UHMK1: variants seen among roughly 807,000 people sequenced by gnomAD.
The protein encoded by UHMK1 is U2AF homology motif kinase 1.
Under a neutral mutation model 44.0 loss-of-function variants are expected in UHMK1, and 18 were observed. The observed-to-expected ratio is 0.41, with a 90% CI of 0.28 to 0.61. The LOEUF (loss-of-function observed/expected upper bound fraction) is 0.61, where lower values mean the gene tolerates loss of function less well. Among genes scored for constraint, UHMK1 ranks in the 20% least tolerant of loss-of-function variants. UHMK1 has a pLI of 0.31. For missense variants in UHMK1, 463 were observed against 522.5 expected, an observed-to-expected ratio of 0.89 and a Z score of 1.11; for synonymous variants, 231 against 198.5, an observed-to-expected ratio of 1.16 and a Z score of -1.38.
chr1:162,516,227 A>G (rs1013813824), intron 6 of UHMK1, among the ~76,000 whole-genome samples: 9 of 152,190 alleles, frequency 5.9e-5, no homozygotes, highest in African/African-American at 2.2e-4. Context: ...TGCAGCAGAC[A>G]ATACGGTACC....
At chr1:162,508,019 CT>C (rs1400612902) in intron 4 of UHMK1, among the ~76,000 whole-genome samples, 3 of 151,924 alleles carry the variant, frequency 2.0e-5, no homozygotes, top group Non-Finnish European at 4.4e-5. Context: ...TAATTCTTTC[CT>C]GAGTTCTATT....
rs1651713726 is a variant in UHMK1, at chr1:162,512,820, G to A, written c.1021G>A (p.Glu341Lys). The change falls in exon 6 of 8, where the codon GAA becomes AAA. Residue 341 changes from glutamate to lysine, a missense_variant. By Grantham distance (56) the Glu-to-Lys change is moderately conservative. This residue lies in a region of UHMK1 where 264 missense variants were observed against 326.3 expected (regional missense o/e 0.81). Transcript: ENST00000489294. The part of the protein sequence containing the change: ...DDYLENEEEY[E>K]DVVEDVKEEC... The stretch of plus-strand genomic sequence containing the variant: ...TTATCTTGAGAATGAAGAGGAATAT[G>A]AAGGTTAGTGTTTTCTAAATTATAT... 6.2e-7 allele frequency: 1 copy of A among 1,613,708 alleles called. No individual in the cohort carries two copies. Among genetic ancestry groups the A allele is most frequent in the African/African-American group, 1.3e-5 (1 of 75,050 alleles).
intron 4 of UHMK1, among the ~76,000 whole-genome samples, chr1:162,507,393 C>A (rs1166425468): frequency 2.0e-5 from 3 of 151,916 alleles, no homozygotes; most frequent in African/African-American, 7.2e-5. Flanking sequence ...GCTGGGATTA[C>A]AGGCGTGAGC....
In UHMK1 at chr1:162,500,940, T is replaced by G. The variant is rs56201055; in HGVS notation, c.589T>G (p.Tyr197Asp). 4.3e-6 allele frequency: 7 copies of G among 1,614,054 alleles called. No individual in the cohort carries two copies. Among genetic ancestry groups the G allele is most frequent in the Non-Finnish European group, 5.9e-6 (7 of 1,179,998 alleles). ...TGTAAAGTATATTCAGACAGACGGG[T>G]ATCGGGCTCCAGAAGCAGAATTGCA... ...QDVKYIQTDG[Y>D]RAPEAELQNC... Residue 197 changes from tyrosine (Y) to aspartate (D), a missense_variant, in exon 3 of 8, where the codon TAT (tyrosine) becomes GAT (aspartate). By Grantham distance (160) the Tyr-to-Asp change is radical. Transcript: ENST00000489294.
intron 4 of UHMK1, among the ~76,000 whole-genome samples, chr1:162,511,136 A>G (rs1370238816): frequency 1.4e-5 from 2 of 138,918 alleles, no homozygotes; most frequent in Admixed American, 7.0e-5. Flanking sequence ...TAATTGGGCT[A>G]TTTGTTTCCT....
At chr1:162,512,622 A>G in intron 5 of UHMK1, 46 bp downstream of exon 5, 2 of 1,603,566 alleles carry the variant, frequency 1.2e-6, no homozygotes, top group Non-Finnish European at 1.7e-6. Flanking sequence ...TTTGACAGTC[A>G]TACAAGACAT....
chr1:162,501,236 C>T, intron 3 of UHMK1, 132 bp downstream of exon 3: 1 of 840,970 alleles, frequency 1.2e-6, no homozygotes, highest in Non-Finnish European at 1.8e-6. Context: ...GTGGCGCAAT[C>T]TCAGCTCACT....
chr1:162,515,670 C>T (rs1381411561), intron 6 of UHMK1, among the ~76,000 whole-genome samples: 1 of 152,194 alleles, frequency 6.6e-6, no homozygotes, highest in African/African-American at 2.4e-5. Context: ...TCCTTTTAGT[C>T]TTCGTCTTTG....
At position 162,524,817 on chromosome 1, in the gene UHMK1, T is replaced by TG. The variant is rs2101689186; in HGVS notation, c.*2269dup. Reference sequence around the variant, plus strand: ...CACTGTAGAATTTTGTTACAGAAGATGGTTACTAGATTTTAAGGGAGCTGA... The same window carrying TG: ...CACTGTAGAATTTTGTTACAGAAGATGGGTTACTAGATTTTAAGGGAGCTGA... On this transcript the variant is annotated 3_prime_UTR_variant, in exon 8 of 8. Transcript: ENST00000489294. 1 of 152,334 alleles carries TG rather than the reference T, an allele frequency of 6.6e-6. No individual in the cohort carries two copies. Among genetic ancestry groups the TG allele is most frequent in the South Asian group, 2.1e-4 (1 of 4,826 alleles). 9.4% of individuals were successfully genotyped at this position (152,334 alleles called of 1,614,324 possible). A position where few individuals can be genotyped will look rare whatever the true frequency, so the allele number is the denominator to read the frequency against.
At chr1:162,517,251 A>G (rs904884222) in intron 6 of UHMK1, among the ~76,000 whole-genome samples, 13 of 152,302 alleles carry the variant, frequency 8.5e-5, no homozygotes, top group Admixed American at 4.6e-4. Context: ...GTGAGCCGAG[A>G]TCGTGCCACT....
Position 162,498,241 on chromosome 1 carries a change from G to A in UHMK1, c.241G>A (p.Glu81Lys), listed in dbSNP as rs1651132817. 1 of 1,606,464 alleles carries A rather than the reference G, an allele frequency of 6.2e-7. No individual in the cohort carries two copies. The highest frequency in any genetic ancestry group is 8.5e-7 in the Non-Finnish European group (1 of 1,176,012). The part of the protein sequence containing the change: ...YGFRKERAAL[E>K]QLQGHRNIVT... The stretch of plus-strand genomic sequence containing the variant: ...TTTCCGCAAAGAGAGGGCGGCGCTG[G>A]AACAGTTGCAGGGTCACAGAAACAT... Residue 81 changes from glutamate (E) to lysine (K), a missense_variant, in exon 1 of 8, where the codon GAA (glutamate) becomes AAA (lysine). Glu to Lys is a moderately conservative substitution (Grantham distance 56). This residue lies in a region of UHMK1 where 191 missense variants were observed against 176.0 expected (regional missense o/e 1.09). Transcript: ENST00000489294.
At chr1:162,516,159 A>G (rs1018013894) in intron 6 of UHMK1, among the ~76,000 whole-genome samples, 2 of 152,222 alleles carry the variant, frequency 1.3e-5, no homozygotes, top group African/African-American at 4.8e-5. Flanking sequence ...GAGTCTTTAA[A>G]TTTTGTTTAA....
Position 162,522,588 on chromosome 1 carries a change from C to G in UHMK1, c.*38C>G, listed in dbSNP as rs372396260. The G allele has an allele frequency of 5.1e-5, 81 of 1,598,746 alleles. No homozygotes were observed. Among genetic ancestry groups the G allele is most frequent in the Non-Finnish European group, 6.7e-5 (78 of 1,172,264 alleles). On this transcript the variant is annotated 3_prime_UTR_variant, in exon 8 of 8. Transcript: ENST00000489294. Reference sequence around the variant, plus strand: ...GGACTGTTTCCTTTTTCTCCTCTTCCATTTCTTGGGTTATTCCACATATGA... The same window carrying G: ...GGACTGTTTCCTTTTTCTCCTCTTCGATTTCTTGGGTTATTCCACATATGA...
At chr1:162,502,858 C>T (rs1314125307) in intron 3 of UHMK1, among the ~76,000 whole-genome samples, 2 of 152,148 alleles carry the variant, frequency 1.3e-5, no homozygotes, top group Non-Finnish European at 2.9e-5. Context: ...TGGCATCTAT[C>T]TCATAAGACT....
chr1:162,500,839 G>A, intron 2 of UHMK1, 74 bp from the exon 3 acceptor site: 1 of 1,434,638 alleles, frequency 7.0e-7, no homozygotes, highest in East Asian at 2.4e-5. Context: ...TCTTAGGGAA[G>A]TAAATTCACT....
At position 162,515,959 on chromosome 1, in the gene UHMK1, G is replaced by A. The variant is rs180747372; in HGVS notation, c.1025-2143G>A. Among the ~76,000 whole-genome samples the A allele has an allele frequency of 6.8e-3, 1,038 of 152,000 alleles. 3 individuals are homozygous for A. The highest frequency in any genetic ancestry group is 0.024 in the Middle Eastern group (7 of 294). ...TGAGGCAGGAGAATAGCATGAACCCGGGAGGCGGAGCTTGCAGTGAGCCGA... is the reference window on the plus strand; with the variant it reads ...TGAGGCAGGAGAATAGCATGAACCCAGGAGGCGGAGCTTGCAGTGAGCCGA... On this transcript the variant is annotated intron_variant, in intron 6 of 7. Transcript: ENST00000489294.
intron 6 of UHMK1, among the ~76,000 whole-genome samples, chr1:162,514,043 C>T (rs1003863012): frequency 2.0e-5 from 3 of 152,082 alleles, no homozygotes; most frequent in African/African-American, 4.8e-5. Context: ...AAACTTAGAC[C>T]AAGGACAACA....
At chr1:162,503,400 A>G (rs1198073382) in intron 3 of UHMK1, among the ~76,000 whole-genome samples, 1 of 152,112 alleles carries the variant, frequency 6.6e-6, no homozygotes, top group Non-Finnish European at 1.5e-5. Flanking sequence ...ACTTGAGCCC[A>G]AGAGTTTGAG....
At chr1:162,500,402 A>C in intron 2 of UHMK1, 155 bp downstream of exon 2, 1 of 836,534 alleles carries the variant, frequency 1.2e-6, no homozygotes, top group Non-Finnish European at 1.8e-6. Flanking sequence ...AAAGAATTTC[A>C]GTGCCACCGT....
Sources: gnomAD v4.1 joint callset for allele counts (sites outside exome capture counted in the v4.1 genomes callset) on GRCh38, gnomAD v4.1.1 for gene constraint, gnomAD v4.1.1 regional missense constraint, MANE v1.5 for transcripts, NCBI Gene and HGNC (gene_info 2026-07-23, HGNC 2026-07-21) for gene names.